Variants in RABL6 observed in about 807,000 individuals in gnomAD.
The protein encoded by RABL6 is RAB, member RAS oncogene family like 6, also known as rab-like protein 6.
A neutral mutation model predicts 72.9 loss-of-function variants in RABL6; 28 were observed. The observed-to-expected ratio is 0.38, with a 90% confidence interval of 0.28 to 0.53. RABL6 has a LOEUF of 0.53. RABL6 is among the 20% of genes least tolerant of loss of function. The pLI is 0.80. For synonymous variants in RABL6, 477 were observed against 421.2 expected, an observed-to-expected ratio of 1.13 and a Z score of -1.62; for missense variants, 1,029 against 1,008.4, an observed-to-expected ratio of 1.02 and a Z score of -0.28.
chr9:136,836,607 A>G (rs1204280358), intron 8 of RABL6: 3 of 153,548 alleles, frequency 2.0e-5, no homozygotes, highest in African/African-American at 7.2e-5. Context: ...AGCCCCCCGC[A>G]TGGGCGCTTC....
At chr9:136,811,684 G>C (rs1222001334) in intron 1 of RABL6, among the ~76,000 whole-genome samples, 1 of 152,026 alleles carries the variant, frequency 6.6e-6, no homozygotes, top group Non-Finnish European at 1.5e-5. Flanking sequence ...AGAGAGACAG[G>C]GTTTCACCAC....
chr9:136,837,042 T>G, intron 8 of RABL6: 1 of 492,974 alleles, frequency 2.0e-6, no homozygotes, highest in South Asian at 2.0e-5. Context: ...CCCGGCTAAT[T>G]TTTTTTGTAT....
chr9:136,814,262 G>C, intron 1 of RABL6: 1 of 179,240 alleles, frequency 5.6e-6, no homozygotes. Flanking sequence ...GCTCACTGCA[G>C]CTTCCACCTC....
At chr9:136,833,601 G>T in intron 7 of RABL6, 10 of 1,380,028 alleles carry the variant, frequency 7.2e-6, no homozygotes, top group Non-Finnish European at 9.7e-6. Context: ...GAACCTCCTC[G>T]CCCTGGGCTG....
intron 3 of RABL6, chr9:136,827,568 A>C (rs1455583125): frequency 1.3e-5 from 2 of 152,336 alleles, no homozygotes; most frequent in East Asian, 3.9e-4. Flanking sequence ...GGCCCCCGAC[A>C]GCCAGCAGTG....
In RABL6 at chr9:136,841,105, T is replaced by A; in HGVS notation, c.*583T>A. 7.5e-7 allele frequency: 1 copy of A among 1,336,460 alleles called. No individual in the cohort carries two copies. The highest frequency in any genetic ancestry group is 9.7e-7 in the Non-Finnish European group (1 of 1,028,938). 82.8% of individuals were successfully genotyped at this position (1,336,460 alleles called of 1,614,324 possible). ...ACAGTGGCCTCAGCTGCGCCCCCGC[T>A]CAGGTGAGCCCGAAGGCAGGAGCCG... On this transcript the variant is annotated 3_prime_UTR_variant, in exon 15 of 15. Transcript: ENST00000311502.
At chr9:136,821,568 G>A in intron 1 of RABL6, 5 of 985,380 alleles carry the variant, frequency 5.1e-6, no homozygotes, top group Non-Finnish European at 6.0e-6. Context: ...TGGGGGGGAC[G>A]GCGGCCGCCC....
rs1847899772 is a variant in RABL6, at chr9:136,807,953, G to A, written c.-244G>A. 1.0e-6 allele frequency: 1 copy of A among 1,000,182 alleles called. No individual in the cohort carries two copies. The highest frequency in any genetic ancestry group is 1.2e-6 in the Non-Finnish European group (1 of 841,444). 62.0% of individuals were successfully genotyped at this position (1,000,182 alleles called of 1,614,324 possible). A position where few individuals can be genotyped will look rare whatever the true frequency, so the allele number is the denominator to read the frequency against. On this transcript the variant is annotated 5_prime_UTR_variant, in exon 1 of 15. Transcript: ENST00000311502. The stretch of plus-strand genomic sequence containing the variant: ...GTCCCGCCGAGCCGGCGCCAAGATG[G>A]CGGCGCTGACTCCTGGAGAGCGGTC...
intron 1 of RABL6, chr9:136,813,645 C>T (rs1360115557): frequency 1.0e-4 from 25 of 250,722 alleles, no homozygotes; most frequent in Non-Finnish European, 1.6e-4. Flanking sequence ...GCCAGAGTCT[C>T]GCTCTGTTGC....
At chr9:136,829,919 T>A (rs1478504515) in intron 5 of RABL6, among the ~76,000 whole-genome samples, 2 of 152,194 alleles carry the variant, frequency 1.3e-5, no homozygotes, top group Non-Finnish European at 2.9e-5. Context: ...CACAGGACGA[T>A]CTCTGGGGGA....
At chr9:136,810,872 G>C (rs1384697014) in intron 1 of RABL6, among the ~76,000 whole-genome samples, 2 of 152,174 alleles carry the variant, frequency 1.3e-5, no homozygotes, top group Non-Finnish European at 2.9e-5. Flanking sequence ...ATATTTTACA[G>C]AGCGTAACAG....
chr9:136,807,978 C>G lies in RABL6; in HGVS notation c.-219C>G, dbSNP rs1308042585. On this transcript the variant is annotated 5_prime_UTR_variant, in exon 1 of 15. Coordinates refer to ENST00000311502, the MANE Select transcript of RABL6 (RefSeq NM_024718.5). Reference sequence around the variant, plus strand: ...GCGGCGCTGACTCCTGGAGAGCGGTCGCGCCGGAGGCCGCGGGGGCCGGAG... The same window carrying G: ...GCGGCGCTGACTCCTGGAGAGCGGTGGCGCCGGAGGCCGCGGGGGCCGGAG... The G allele has an allele frequency of 8.0e-6, 8 of 1,005,284 alleles. No individual in the cohort carries two copies. Among genetic ancestry groups the G allele is most frequent in the South Asian group, 4.6e-5 (1 of 21,526 alleles). The allele number at this position is 1,005,284 out of a possible 1,614,324, so 62.3% of individuals were successfully genotyped here. A position where few individuals can be genotyped will look rare whatever the true frequency, so the allele number is the denominator to read the frequency against.
chr9:136,826,064 T>G lies in RABL6; in HGVS notation c.313+238T>G, dbSNP rs569734902. 6.6e-6 allele frequency among the ~76,000 whole-genome samples: 1 copy of G among 152,314 alleles called. No individual in the cohort carries two copies. Among genetic ancestry groups the G allele is most frequent in the Non-Finnish European group, 1.5e-5 (1 of 68,018 alleles). On this transcript the variant is annotated intron_variant, in intron 3 of 14. Coordinates refer to ENST00000311502, the MANE Select transcript of RABL6 (RefSeq NM_024718.5). The surrounding 1 kb of genome is among the most constrained non-coding windows in gnomAD (Gnocchi z 4.9). ...TACTCCCCGTCTCTGAGTGACCGCGTGCACGGTGGCGGCAGGTGCAGCCGG... is the reference window on the plus strand; with the variant it reads ...TACTCCCCGTCTCTGAGTGACCGCGGGCACGGTGGCGGCAGGTGCAGCCGG...
At chr9:136,830,036 T>C (rs563603292) in intron 5 of RABL6, among the ~76,000 whole-genome samples, 2 of 152,304 alleles carry the variant, frequency 1.3e-5, no homozygotes, top group Non-Finnish European at 2.9e-5. Flanking sequence ...GGGGGGGTGC[T>C]GCGGACGCAC....
chr9:136,829,528 C>A (rs779390521), intron 5 of RABL6, 44 bp downstream of exon 5: 30 of 1,513,466 alleles, frequency 2.0e-5, no homozygotes, highest in Non-Finnish European at 2.6e-5. Flanking sequence ...ACTCTCACCC[C>A]CCTAGCCCCT....
At chr9:136,813,993 C>A in intron 1 of RABL6, 1 of 397,922 alleles carries the variant, frequency 2.5e-6, no homozygotes, top group Non-Finnish European at 4.9e-6. Flanking sequence ...TCACATCTTG[C>A]TCTTTCTTAC....
In RABL6 at chr9:136,808,289, G is replaced by A. The variant is rs1847913064; in HGVS notation, c.93G>A (p.Ala31=). ...CCGGGCTGCAGTCCATGAACCAGGC[G>A]TTGCAGAGGCGCTTCGCCAAGGGGG... The part of the protein sequence containing the change: ...IPAGLQSMNQ[A]LQRRFAKGVQ... Residue 31 remains alanine (A), a synonymous_variant, in exon 1 of 15, where the codon GCG becomes GCA. Coordinates refer to ENST00000311502, the MANE Select transcript of RABL6 (RefSeq NM_024718.5). 6.4e-7 allele frequency: 1 copy of A among 1,561,590 alleles called. No homozygotes were observed. The highest frequency in any genetic ancestry group is 1.2e-5 in the South Asian group (1 of 86,330).
chr9:136,821,957 G>T, intron 1 of RABL6: 1 of 1,289,348 alleles, frequency 7.8e-7, no homozygotes, highest in Non-Finnish European at 1.0e-6. Flanking sequence ...GGCCGGCGCC[G>T]AGATATGACC....
intron 1 of RABL6, among the ~76,000 whole-genome samples, chr9:136,818,163 A>C (rs1225930749): frequency 6.6e-6 from 1 of 151,032 alleles, no homozygotes; most frequent in Non-Finnish European, 1.5e-5. Context: ...GGAGATCAAG[A>C]CCATCCTGGC....
Sources: allele counts gnomAD v4.1 joint callset (sites outside exome capture counted in the v4.1 genomes callset), GRCh38; gene constraint gnomAD v4.1.1; non-coding constraint Gnocchi (gnomAD v3.1); transcripts MANE v1.5; gene names NCBI Gene and HGNC (gene_info 2026-07-23, HGNC 2026-07-21).